NRG3: variants seen among roughly 807,000 people sequenced by gnomAD.
NRG3 encodes neuregulin 3.
A neutral mutation model predicts 66.9 loss-of-function variants in NRG3; 31 were observed. The observed-to-expected ratio is 0.46, with a 90% CI of 0.35 to 0.63. The LOEUF is 0.63. Ranked by LOEUF, NRG3 falls within the 20% of genes least tolerant of loss-of-function variation. The probability of loss-of-function intolerance (pLI) is 0.00; values close to 1 mark genes in which losing one functional copy is unlikely to be tolerated. For synonymous variants in NRG3, 393 were observed against 359.4 expected, an observed-to-expected ratio of 1.09 and a Z score of -1.06; for missense variants, 910 against 878.9, an observed-to-expected ratio of 1.04 and a Z score of -0.45.
chr10:82,306,304 A>T (rs2080720180), intron 1 of NRG3, among the ~76,000 whole-genome samples: 1 of 152,178 alleles, frequency 6.6e-6, no homozygotes, highest in South Asian at 2.1e-4. Context: ...ATAGATCTTG[A>T]TCAGGTACTG....
At chr10:81,892,999 A>G (rs1222922353) in intron 1 of NRG3, among the ~76,000 whole-genome samples, 1 of 152,216 alleles carries the variant, frequency 6.6e-6, no homozygotes, top group Non-Finnish European at 1.5e-5. Context: ...CTGAGCTGCG[A>G]CAGTCAGTGA....
rs547396445 is a variant in NRG3 at position 82,928,898 on chromosome 10, C to T, written c.1055-22571C>T. Among the ~76,000 whole-genome samples the T allele has an allele frequency of 2.0e-5, 3 of 152,268 alleles. No homozygotes were observed. In the East Asian group the frequency reaches 5.8e-4, roughly 29 times the overall value. On this transcript the variant is annotated intron_variant, in intron 4 of 8. Coordinates refer to ENST00000372141, the MANE Select transcript of NRG3 (RefSeq NM_001010848.4). ...TTGTACATCTGTGTTCCTTTGTTGCCTATATTGCATAGCTCACTAATCTGA... is the reference window on the plus strand; with the variant it reads ...TTGTACATCTGTGTTCCTTTGTTGCTTATATTGCATAGCTCACTAATCTGA...
intron 3 of NRG3, among the ~76,000 whole-genome samples, chr10:82,848,287 A>G (rs2063400870): frequency 6.6e-6 from 1 of 152,218 alleles, no homozygotes; most frequent in East Asian, 1.9e-4. Flanking sequence ...CAACTCTTGC[A>G]TCAAGGTAAC....
At chr10:82,495,366 T>A (rs1263716739) in intron 2 of NRG3, among the ~76,000 whole-genome samples, 1 of 152,190 alleles carries the variant, frequency 6.6e-6, no homozygotes, top group East Asian at 1.9e-4. Flanking sequence ...GAGAAAAGAC[T>A]AAGAATTGAT....
chr10:82,031,417 A>C (rs1455174565), intron 1 of NRG3, among the ~76,000 whole-genome samples: 1 of 152,098 alleles, frequency 6.6e-6, no homozygotes, highest in Admixed American at 6.6e-5. Flanking sequence ...CTTTATCCTT[A>C]GTTACTGCTA....
chr10:82,871,036 G>C (rs1388804552), intron 4 of NRG3, among the ~76,000 whole-genome samples: 1 of 152,132 alleles, frequency 6.6e-6, no homozygotes, highest in African/African-American at 2.4e-5. Context: ...GATCTGCTAG[G>C]AGTGTTATAG....
chr10:82,692,066 G>T (rs555911107), intron 2 of NRG3, among the ~76,000 whole-genome samples: 1 of 152,136 alleles, frequency 6.6e-6, no homozygotes, highest in Non-Finnish European at 1.5e-5. Flanking sequence ...CTGAGGTCAG[G>T]AGTTTGGCCA....
intron 1 of NRG3, among the ~76,000 whole-genome samples, chr10:82,004,030 CACACAGAT>C (rs1323646284): frequency 1.4e-5 from 2 of 146,906 alleles, no homozygotes; most frequent in East Asian, 4.1e-4. Context: ...CACACACACA[CACACAGAT>C]ACCTTAGAGC....
chr10:82,214,705 A>C (rs1343571555), intron 1 of NRG3, among the ~76,000 whole-genome samples: 1 of 152,118 alleles, frequency 6.6e-6, no homozygotes, highest in Non-Finnish European at 1.5e-5. Context: ...CCTGGCCACA[A>C]GTGATCCTCC....
At chr10:82,405,454 G>GTTTTTTTT (rs779040062) in intron 2 of NRG3, among the ~76,000 whole-genome samples, 12 of 139,956 alleles carry the variant, frequency 8.6e-5, no homozygotes, top group Non-Finnish European at 7.5e-5. Context: ...GATCTCAGTA[G>GTTTTTTTT]TTTGTTTTTT....
At chr10:82,025,334 A>G (rs957625122) in intron 1 of NRG3, among the ~76,000 whole-genome samples, 3 of 151,480 alleles carry the variant, frequency 2.0e-5, no homozygotes, top group Non-Finnish European at 4.4e-5. Context: ...CCATGTACGT[A>G]TATTTGAATA....
At position 82,333,339 on chromosome 10, in the gene NRG3, A is replaced by G. The variant is rs147436350; in HGVS notation, c.824-25400A>G. On this transcript the variant is annotated intron_variant, in intron 1 of 8. Transcript: ENST00000372141. ...AAGAATAGCAGTAAAATGCTGAGGA[A>G]TCAGAGAGATCAAGGTTAATGCCAG... is the stretch of plus-strand genomic sequence containing the variant. Among the ~76,000 whole-genome samples, 556 of 152,322 alleles carry G rather than the reference A, an allele frequency of 3.7e-3. 1 individual carries two copies. The highest frequency in any genetic ancestry group is 0.013 in the African/African-American group (527 of 41,576).
intron 1 of NRG3, among the ~76,000 whole-genome samples, chr10:82,249,163 A>G (rs141163853): frequency 1.3e-5 from 2 of 152,222 alleles, no homozygotes; most frequent in African/African-American, 4.8e-5. Context: ...TATTTTATTT[A>G]TTTATGTACA....
intron 2 of NRG3, among the ~76,000 whole-genome samples, chr10:82,441,118 A>C (rs2090412122): frequency 6.6e-6 from 1 of 152,236 alleles, no homozygotes. Flanking sequence ...TATTGGAGCA[A>C]TTTGTAGACT....
At chr10:82,170,560 C>T (rs1440531414) in intron 1 of NRG3, among the ~76,000 whole-genome samples, 2 of 149,582 alleles carry the variant, frequency 1.3e-5, no homozygotes, top group East Asian at 2.0e-4. Context: ...AGTTGTTTGA[C>T]CTTGGGCGAA....
chr10:82,740,341 C>T (rs1201525865), intron 3 of NRG3, among the ~76,000 whole-genome samples: 3 of 151,782 alleles, frequency 2.0e-5, no homozygotes, highest in African/African-American at 7.3e-5. Flanking sequence ...GCATATGGTA[C>T]AAAGTGGGTA....
intron 2 of NRG3, among the ~76,000 whole-genome samples, chr10:82,732,693 A>G (rs1395324877): frequency 6.6e-6 from 1 of 152,196 alleles, no homozygotes; most frequent in Non-Finnish European, 1.5e-5. Context: ...TCCTAATAAT[A>G]AATCCAGGGG....
In NRG3 at chr10:81,910,310, T is replaced by C. The variant is rs1845008116; in HGVS notation, c.823+34147T>C. Among the ~76,000 whole-genome samples, 4 of 152,312 alleles carry C rather than the reference T, an allele frequency of 2.6e-5. No individual in the cohort carries two copies. The South Asian group carries it at 8.3e-4, about 32-fold the overall frequency. ...GAAATAACTACTCAGGGCAGGAAGATATTTGCAAGAAGGTAGCAAACCCCC... is the reference window on the plus strand; with the variant it reads ...GAAATAACTACTCAGGGCAGGAAGACATTTGCAAGAAGGTAGCAAACCCCC... On this transcript the variant is annotated intron_variant, in intron 1 of 8. Coordinates refer to ENST00000372141, the MANE Select transcript of NRG3 (RefSeq NM_001010848.4).
rs182125876 is a variant in NRG3 at position 82,222,857 on chromosome 10, G to A, written c.824-135882G>A. Among the ~76,000 whole-genome samples the A allele has an allele frequency of 4.6e-5, 7 of 152,242 alleles. No individual in the cohort carries two copies. The East Asian group carries it at 9.7e-4, about 21-fold the overall frequency. On this transcript the variant is annotated intron_variant, in intron 1 of 8. Coordinates refer to ENST00000372141, the MANE Select transcript of NRG3 (RefSeq NM_001010848.4). ...GATTTTCCGTGGTAATTTTCTGTAT[G>A]TCACATATACTTTTTACATCCTAAT...
Sources: allele counts gnomAD v4.1 joint callset (sites outside exome capture counted in the v4.1 genomes callset), GRCh38; gene constraint gnomAD v4.1.1; transcripts MANE v1.5; gene names NCBI Gene and HGNC (gene_info 2026-07-23, HGNC 2026-07-21).